NME7: variants seen among roughly 807,000 people sequenced by gnomAD.
The protein encoded by NME7 is NME/NM23 family member 7.
Under a neutral mutation model 49.1 loss-of-function variants are expected in NME7, and 41 were observed. The ratio of observed to expected loss-of-function variants is 0.83; its 90% CI spans 0.65 to 1.08. NME7 has a LOEUF of 1.08. Ranked by LOEUF, NME7 falls within the 50% of genes least tolerant of loss-of-function variation. NME7 has a pLI of 0.00. For missense variants in NME7, 423 were observed against 463.4 expected (o/e 0.91, Z 0.80); for synonymous variants, 139 against 150.6 (o/e 0.92, Z 0.56).
intron 3 of NME7, among the ~76,000 whole-genome samples, chr1:169,319,268 G>C (rs1558037219): frequency 6.6e-6 from 1 of 151,806 alleles, no homozygotes. Context: ...TCTTCACATA[G>C]AAAAAACGTA....
intron 7 of NME7, among the ~76,000 whole-genome samples, chr1:169,254,718 T>A (rs1648832330): frequency 6.9e-6 from 1 of 145,334 alleles, no homozygotes; most frequent in Non-Finnish European, 1.5e-5. Flanking sequence ...TAAATTTCCC[T>A]CTACACACTG....
At chr1:169,211,611 T>C (rs1350159877) in intron 10 of NME7, among the ~76,000 whole-genome samples, 2 of 152,130 alleles carry the variant, frequency 1.3e-5, no homozygotes, top group Non-Finnish European at 2.9e-5. Context: ...AATATTGTGA[T>C]AGGATCACGA....
chr1:169,309,996 G>T lies in NME7; in HGVS notation c.363C>A (p.Thr121=), dbSNP rs1421071322. The change falls in exon 4 of 12, where the codon ACC becomes ACA. Residue 121 remains threonine, a synonymous_variant. Coordinates refer to ENST00000367811, the MANE Select transcript of NME7 (RefSeq NM_013330.5). ...EIINKAGFTI[T]KLKMMMLSRK... ...TTGAAAGCATCATCATTTTGAGTTT[G>T]GTTATAGTAAATCCAGCTTTGTTTA... The T allele has an allele frequency of 5.0e-6, 8 of 1,596,414 alleles. No individual in the cohort carries two copies. The East Asian group carries it at 1.6e-4, about 32-fold the overall frequency.
intron 10 of NME7, among the ~76,000 whole-genome samples, chr1:169,202,801 A>G (rs938413186): frequency 1.3e-5 from 2 of 152,182 alleles, no homozygotes; most frequent in South Asian, 2.1e-4. Flanking sequence ...GGAGGGGTAA[A>G]GGGAACAGAA....
intron 3 of NME7, among the ~76,000 whole-genome samples, chr1:169,319,167 T>G (rs546817603): frequency 1.3e-5 from 2 of 152,244 alleles, no homozygotes; most frequent in African/African-American, 4.8e-5. Flanking sequence ...ACCTGAACAC[T>G]GAAGTTGTTT....
chr1:169,190,710 G>A (rs182093539), intron 10 of NME7: 2 of 425,508 alleles, frequency 4.7e-6, no homozygotes, highest in East Asian at 7.8e-5. Flanking sequence ...GGGGGTCTGG[G>A]GAGAGAGGCA....
At chr1:169,180,491 G>T (rs1001350830) in intron 10 of NME7, among the ~76,000 whole-genome samples, 6 of 152,152 alleles carry the variant, frequency 3.9e-5, no homozygotes, top group Non-Finnish European at 7.4e-5. Context: ...ACCACTTGGG[G>T]CAAACTCTCT....
intron 7 of NME7, among the ~76,000 whole-genome samples, chr1:169,272,425 T>A (rs936687132): frequency 7.7e-6 from 1 of 129,930 alleles, no homozygotes; most frequent in Admixed American, 7.6e-5. Flanking sequence ...CATTAGCTAT[T>A]CTTTCTGATG....
chr1:169,270,964 A>G (rs1649471335), intron 7 of NME7, among the ~76,000 whole-genome samples: 1 of 134,144 alleles, frequency 7.5e-6, no homozygotes, highest in Non-Finnish European at 1.8e-5. Context: ...AGAACATAAT[A>G]AACACATTGC....
chr1:169,258,413 CACACACACACAT>C (rs71121750), intron 7 of NME7, among the ~76,000 whole-genome samples: 10,147 of 114,770 alleles, frequency 0.088, 2,797 homozygotes, highest in East Asian at 0.75. Context: ...TATACACACA[CACACACACACAT>C]ACACACACAC....
Position 169,267,414 on chromosome 1 carries a change from A to G in NME7, c.754+19889T>C, listed in dbSNP as rs1435503117. On this transcript the variant is annotated intron_variant, in intron 7 of 11. Transcript: ENST00000367811. ...GACATTCTTCACAAACTGGAAAAAA[A>G]CTATTTTAATGTTCATATTGAACCA... 2.2e-5 allele frequency among the ~76,000 whole-genome samples: 3 copies of G among 133,776 alleles called. 1 individual carries two copies. The highest frequency in any genetic ancestry group is 7.6e-5 in the African/African-American group (3 of 39,430). 87.8% of individuals were successfully genotyped at this position (133,776 alleles called of 152,430 possible). A position where few individuals can be genotyped will look rare whatever the true frequency, so the allele number is the denominator to read the frequency against.
At chr1:169,182,096 C>T (rs931272712) in intron 10 of NME7, among the ~76,000 whole-genome samples, 2 of 150,996 alleles carry the variant, frequency 1.3e-5, no homozygotes, top group African/African-American at 4.9e-5. Context: ...CCTTGAACTC[C>T]TGGGCTCAAG....
At chr1:169,278,248 G>C (rs1359806219) in intron 7 of NME7, among the ~76,000 whole-genome samples, 1 of 149,460 alleles carries the variant, frequency 6.7e-6, no homozygotes, top group Non-Finnish European at 1.5e-5. Context: ...TGCTCGTTTG[G>C]GGAAGTTCTC....
At chr1:169,226,824 G>A (rs144356011) in intron 10 of NME7, among the ~76,000 whole-genome samples, 22 of 152,108 alleles carry the variant, frequency 1.4e-4, no homozygotes, top group Non-Finnish European at 2.8e-4. Context: ...CATTTTACAC[G>A]TTAAATCAGT....
chr1:169,285,480 C>T (rs1650243522), intron 7 of NME7: 2 of 152,098 alleles, frequency 1.3e-5, no homozygotes, highest in Non-Finnish European at 2.9e-5. Flanking sequence ...TGTTACTAAT[C>T]ATGTGCCATG....
chr1:169,309,933 T>A, intron 4 of NME7, 37 bp downstream of exon 4: 1 of 1,147,872 alleles, frequency 8.7e-7, no homozygotes, highest in Non-Finnish European at 1.3e-6. Flanking sequence ...TAAAAAGGAA[T>A]CAGACATTAC....
chr1:169,313,114 C>T lies in NME7; in HGVS notation c.279-3034G>A, dbSNP rs538137951. 5.3e-5 allele frequency among the ~76,000 whole-genome samples: 8 copies of T among 150,822 alleles called. No homozygotes were observed. The South Asian group carries it at 1.7e-3, about 31-fold the overall frequency. ...AGCAAAATTATTCAGAACAATTCTTCCACCAAAAACTAAAAAAGTTGATAT... is the reference window on the plus strand; with the variant it reads ...AGCAAAATTATTCAGAACAATTCTTTCACCAAAAACTAAAAAAGTTGATAT... On this transcript the variant is annotated intron_variant, in intron 3 of 11. Coordinates refer to ENST00000367811, the MANE Select transcript of NME7 (RefSeq NM_013330.5).
At chr1:169,181,698 C>T (rs763323952) in intron 10 of NME7, among the ~76,000 whole-genome samples, 68 of 152,186 alleles carry the variant, frequency 4.5e-4, no homozygotes, top group Non-Finnish European at 7.2e-4. Context: ...CTTTCATTTA[C>T]TCTTCAGCCT....
chr1:169,201,489 G>T (rs1261542573), intron 10 of NME7, among the ~76,000 whole-genome samples: 1 of 152,120 alleles, frequency 6.6e-6, no homozygotes, highest in South Asian at 2.1e-4. Flanking sequence ...GTATAAAACA[G>T]TCGGGAAGTG....
Sources: allele counts gnomAD v4.1 joint callset (sites outside exome capture counted in the v4.1 genomes callset), GRCh38; gene constraint gnomAD v4.1.1; transcripts MANE v1.5; gene names NCBI Gene and HGNC (gene_info 2026-07-23, HGNC 2026-07-21).